The following ASIC2 variants were observed in gnomAD, a reference collection of about 807,000 sequenced individuals.
ASIC2 encodes acid sensing ion channel subunit 2.
Under a neutral mutation model 57.3 loss-of-function variants are expected in ASIC2, and 25 were observed. The ratio of observed to expected loss-of-function variants is 0.44; its 90% CI spans 0.32 to 0.61. The LOEUF (loss-of-function observed/expected upper bound fraction) is 0.61. Ranked by LOEUF, ASIC2 falls within the 20% of genes least tolerant of loss-of-function variation. The pLI is 0.06. For missense variants in ASIC2, 641 were observed against 738.1 expected, an observed-to-expected ratio of 0.87 and a Z score of 1.52; for synonymous variants, 319 against 307.5, an observed-to-expected ratio of 1.04 and a Z score of -0.39.
chr17:34,020,260 G>A (rs1280388254), intron 1 of ASIC2, among the ~76,000 whole-genome samples: 3 of 152,124 alleles, frequency 2.0e-5, no homozygotes, highest in Non-Finnish European at 4.4e-5. Flanking sequence ...CAATAAATAC[G>A]TGTTGAATGA....
At chr17:33,867,114 G>C (rs1231921824) in intron 1 of ASIC2, among the ~76,000 whole-genome samples, 4 of 152,208 alleles carry the variant, frequency 2.6e-5, no homozygotes, top group Non-Finnish European at 5.9e-5. Context: ...CTGCAATGGA[G>C]ATATGGCATG....
intron 1 of ASIC2, among the ~76,000 whole-genome samples, chr17:33,508,365 C>T (rs1160532866): frequency 6.6e-6 from 1 of 152,174 alleles, no homozygotes; most frequent in Non-Finnish European, 1.5e-5. Context: ...AGTGTACTAA[C>T]AGGAATCACA....
Position 33,736,778 on chromosome 17 carries a change from A to C in ASIC2, c.555+419200T>G, listed in dbSNP as rs115895592. 4.1e-3 allele frequency among the ~76,000 whole-genome samples: 619 copies of C among 150,578 alleles called. 5 individuals carry two copies. The highest frequency in any genetic ancestry group is 0.013 in the African/African-American group (545 of 41,350). ...TATACTTACATAGACCATATATGGA[A>C]ACATGTACAACTGTGCCCCAGTTTT... is the stretch of plus-strand genomic sequence containing the variant. On this transcript the variant is annotated intron_variant, in intron 1 of 9. Coordinates refer to the ASIC2 transcript ENST00000359872.
chr17:33,790,187 G>A (rs1367586226), intron 1 of ASIC2, among the ~76,000 whole-genome samples: 5 of 152,140 alleles, frequency 3.3e-5, no homozygotes, highest in East Asian at 1.9e-4. Context: ...TAGAATTCAT[G>A]AAAATTCTTG....
At chr17:33,677,011 C>T (rs898448842) in intron 1 of ASIC2, among the ~76,000 whole-genome samples, 1 of 152,222 alleles carries the variant, frequency 6.6e-6, no homozygotes, top group Non-Finnish European at 1.5e-5. Context: ...GAAGTACCCG[C>T]TCCTGCTTCC....
At chr17:33,560,791 ACTC>A (rs1916049094) in intron 1 of ASIC2, among the ~76,000 whole-genome samples, 1 of 152,108 alleles carries the variant, frequency 6.6e-6, no homozygotes, top group Non-Finnish European at 1.5e-5. Flanking sequence ...CTTTATAATA[ACTC>A]CATACGTTAG....
chr17:33,794,678 C>A (rs1358209078), intron 1 of ASIC2: 1 of 152,126 alleles, frequency 6.6e-6, no homozygotes, highest in African/African-American at 2.4e-5. Flanking sequence ...ATTGGGTGAG[C>A]CCTCCGAGGC....
At chr17:33,298,553 AACATACGTGTGC>A (rs1364097899) in intron 1 of ASIC2, among the ~76,000 whole-genome samples, 3 of 152,202 alleles carry the variant, frequency 2.0e-5, no homozygotes, top group Non-Finnish European at 4.4e-5. Context: ...TGCCGCAATA[AACATACGTGTGC>A]ATGTGTCTTT....
intron 1 of ASIC2, among the ~76,000 whole-genome samples, chr17:33,894,342 CGTGCGTGCGTGTGTGTGTGT>C (rs1453460105): frequency 1.8e-4 from 12 of 65,236 alleles, no homozygotes; most frequent in East Asian, 9.0e-4. Flanking sequence ...TGCGTGCGTG[CGTGCGTGCGTGTGTGTGTGT>C]GTGTGTGTGT....
intron 1 of ASIC2, chr17:33,827,886 C>T (rs941013825): frequency 6.6e-6 from 1 of 152,138 alleles, no homozygotes; most frequent in African/African-American, 2.4e-5. Flanking sequence ...TCCCTCCACT[C>T]CCGACAGGCC....
intron 1 of ASIC2, among the ~76,000 whole-genome samples, chr17:33,178,464 C>T (rs1905848645): frequency 6.6e-6 from 1 of 152,158 alleles, no homozygotes; most frequent in Non-Finnish European, 1.5e-5. Context: ...TATTTAGCAC[C>T]TGCTATTTGT....
At chr17:33,143,942 C>T (rs1207118098) in intron 1 of ASIC2, among the ~76,000 whole-genome samples, 2 of 152,112 alleles carry the variant, frequency 1.3e-5, no homozygotes, top group African/African-American at 2.4e-5. Context: ...GTGCATCATT[C>T]AGTGTAGTAA....
chr17:33,097,552 G>A (rs557652389), intron 2 of ASIC2, among the ~76,000 whole-genome samples: 12 of 152,298 alleles, frequency 7.9e-5, no homozygotes, highest in African/African-American at 2.9e-4. Context: ...GTGGCCAAGG[G>A]CCACATGGCA....
chr17:33,345,044 G>C (rs1034777283), intron 1 of ASIC2, among the ~76,000 whole-genome samples: 79 of 152,166 alleles, frequency 5.2e-4, no homozygotes, highest in African/African-American at 1.8e-3. Flanking sequence ...AGCCACCACT[G>C]GAACTCCTGA....
chr17:33,837,345 T>C (rs187220422), intron 1 of ASIC2, among the ~76,000 whole-genome samples: 57 of 152,266 alleles, frequency 3.7e-4, no homozygotes, highest in African/African-American at 1.4e-3. Context: ...AATGAGAAAT[T>C]TGAAAAATAT....
chr17:33,341,924 T>A (rs1285432955), intron 1 of ASIC2, among the ~76,000 whole-genome samples: 1 of 152,216 alleles, frequency 6.6e-6, no homozygotes. Flanking sequence ...TACCTTAGAC[T>A]GACATCTCTT....
intron 1 of ASIC2, among the ~76,000 whole-genome samples, chr17:33,734,060 A>C (rs562050556): frequency 1.5e-3 from 230 of 152,236 alleles, no homozygotes; most frequent in Admixed American, 3.1e-3. Flanking sequence ...GATTTCACTG[A>C]GAAAATAGAA....
chr17:33,896,619 C>A (rs1222030089), intron 1 of ASIC2, among the ~76,000 whole-genome samples: 1 of 152,234 alleles, frequency 6.6e-6, no homozygotes, highest in African/African-American at 2.4e-5. Context: ...CGGGGGCTGT[C>A]TGTAGCTTTG....
At chr17:34,052,984 CTAT>C (rs1345395024) in intron 1 of ASIC2, among the ~76,000 whole-genome samples, 16 of 151,962 alleles carry the variant, frequency 1.1e-4, no homozygotes, top group African/African-American at 3.9e-4. Flanking sequence ...TTTCCTCTGA[CTAT>C]TCCAATTTTA....
Sources: gnomAD v4.1 joint callset for allele counts (sites outside exome capture counted in the v4.1 genomes callset) on GRCh38, gnomAD v4.1.1 for gene constraint, MANE v1.5 for transcripts, NCBI Gene and HGNC (gene_info 2026-07-23, HGNC 2026-07-21) for gene names.